Variants in CLTC observed in about 807,000 individuals in gnomAD.
CLTC encodes the protein clathrin heavy chain 1.
A neutral mutation model predicts 195.8 loss-of-function variants in CLTC; 16 were observed. That is an observed-to-expected ratio of 0.08 (90% CI 0.06 to 0.12). The LOEUF is 0.12. Among genes scored for constraint, CLTC ranks in the 10% least tolerant of loss-of-function variants. The pLI is 1.00. For synonymous variants in CLTC, 667 were observed against 689.4 expected, an observed-to-expected ratio of 0.97 and a Z score of 0.51; for missense variants, 796 against 2,027.0, an observed-to-expected ratio of 0.39 and a Z score of 11.66.
At chr17:59,624,601 TG>T (rs2031490457) in intron 1 of CLTC, among the ~76,000 whole-genome samples, 1 of 151,770 alleles carries the variant, frequency 6.6e-6, no homozygotes, top group Non-Finnish European at 1.5e-5. Flanking sequence ...CCCAAGTAGC[TG>T]GGATTTTAGG....
intron 9 of CLTC, 36 bp downstream of exon 9, chr17:59,664,030 A>G: frequency 1.9e-6 from 3 of 1,567,948 alleles, no homozygotes; most frequent in Non-Finnish European, 2.6e-6. Flanking sequence ...GCATGAATTC[A>G]TTGAAGCATT....
chr17:59,676,822 A>G (rs2143580188), intron 16 of CLTC, 132 bp from the exon 17 acceptor site: 1 of 677,022 alleles, frequency 1.5e-6, no homozygotes, highest in Non-Finnish European at 2.5e-6. Context: ...CAATGTAGCA[A>G]TACTCGGGGG....
rs1456057529 is a variant in CLTC at position 59,682,595 on chromosome 17, T to C, written c.3601-34T>C. 3.7e-6 allele frequency: 6 copies of C among 1,610,734 alleles called. No individual in the cohort carries two copies. The highest frequency in any genetic ancestry group is 1.3e-5 in the African/African-American group (1 of 74,910). On this transcript the variant is annotated intron_variant, in intron 22 of 31. Coordinates refer to ENST00000269122, the MANE Select transcript of CLTC (RefSeq NM_004859.4). This position sits in a 1 kb window ranked among gnomAD's most constrained non-coding sequence, Gnocchi z 6.8. ...AAAGAGGATTAAGCTCACACTAATA[T>C]CTTGCTGAATGTGGGTTACCTTTTT...
At chr17:59,691,908 C>A (rs577241466) in intron 31 of CLTC, among the ~76,000 whole-genome samples, 1 of 152,086 alleles carries the variant, frequency 6.6e-6, no homozygotes, top group Non-Finnish European at 1.5e-5. Flanking sequence ...GGGTGTAATA[C>A]TTTGGGGTTA....
chr17:59,656,068 C>G lies in CLTC; in HGVS notation c.969+41C>G, dbSNP rs966962339. ...AACTTAAGCAATAAAATAAGATAAC[C>G]TGATGAGTTGGGAACAATCCTGTCC... On this transcript the variant is annotated intron_variant, in intron 6 of 31. Coordinates refer to ENST00000269122, the MANE Select transcript of CLTC (RefSeq NM_004859.4). The G allele has an allele frequency of 4.5e-6, 7 of 1,545,852 alleles. No individual in the cohort carries two copies. In the Admixed American group the frequency reaches 7.5e-5, roughly 17 times the overall value.
Position 59,666,742 on chromosome 17 carries a change from C to CATG in CLTC, c.1948-53_1948-51dup. 1 of 1,561,412 alleles carries CATG rather than the reference C, an allele frequency of 6.4e-7. No individual in the cohort carries two copies. The highest frequency in any genetic ancestry group is 1.1e-5 in the South Asian group (1 of 87,268). On this transcript the variant is annotated intron_variant, in intron 12 of 31. Transcript: ENST00000269122. The surrounding 1 kb of genome is among the most constrained non-coding windows in gnomAD (Gnocchi z 4.9). ...CTAAATATTAATAATTTCATACCAC[C>CATG]ATGAGGTTCAACATTATTTCATTTA...
chr17:59,686,188 G>C (rs1326573663), intron 30 of CLTC, among the ~76,000 whole-genome samples: 1 of 151,700 alleles, frequency 6.6e-6, no homozygotes, highest in Non-Finnish European at 1.5e-5. Context: ...TGATGTCTAT[G>C]CCTGTTTCCC....
intron 30 of CLTC, among the ~76,000 whole-genome samples, chr17:59,686,554 C>T (rs945034790): frequency 6.6e-5 from 10 of 152,082 alleles, no homozygotes; most frequent in African/African-American, 1.4e-4. Context: ...TACCAACAAC[C>T]CCTCCCATAC....
Position 59,666,020 on chromosome 17 carries a change from G to T in CLTC, c.1645-83G>T. ...TATATTGTCCAAATAAAATTCTCAG[G>T]TAAAGAAAGAGTTCATGCATAATTT... On this transcript the variant is annotated intron_variant, in intron 10 of 31. Transcript: ENST00000269122. The surrounding 1 kb of genome is among the most constrained non-coding windows in gnomAD (Gnocchi z 4.9). 1 of 1,038,904 alleles carries T rather than the reference G, an allele frequency of 9.6e-7. No homozygotes were observed. The highest frequency in any genetic ancestry group is 1.7e-5 in the South Asian group (1 of 58,020). The allele number at this position is 1,038,904 out of a possible 1,614,324, so 64.4% of individuals were successfully genotyped here.
At chr17:59,630,977 G>A (rs931359392) in intron 1 of CLTC, among the ~76,000 whole-genome samples, 10 of 152,190 alleles carry the variant, frequency 6.6e-5, no homozygotes, top group South Asian at 6.2e-4. Flanking sequence ...GAGAGACCAC[G>A]AAACCGTTTT....
At chr17:59,624,534 T>C (rs1307494080) in intron 1 of CLTC, among the ~76,000 whole-genome samples, 2 of 145,350 alleles carry the variant, frequency 1.4e-5, no homozygotes, top group African/African-American at 5.2e-5. Context: ...AGTGGTGCGA[T>C]CTCGGCTCAC....
intron 6 of CLTC, among the ~76,000 whole-genome samples, chr17:59,657,381 AT>A (rs1464464719): frequency 2.6e-5 from 4 of 152,208 alleles, no homozygotes; most frequent in African/African-American, 9.6e-5. Flanking sequence ...TTAGTAAATT[AT>A]ATTTCTAGCA....
At chr17:59,653,394 G>C (rs191433742) in intron 5 of CLTC, among the ~76,000 whole-genome samples, 1 of 151,186 alleles carries the variant, frequency 6.6e-6, no homozygotes, top group Non-Finnish European at 1.5e-5. Flanking sequence ...GGGGTTTCAC[G>C]GTGTTAGCCA....
intron 5 of CLTC, among the ~76,000 whole-genome samples, chr17:59,651,616 A>G (rs552576889): frequency 1.4e-4 from 21 of 152,342 alleles, no homozygotes; most frequent in African/African-American, 5.0e-4. Context: ...GCTGTAGTCT[A>G]CTGTAAAGTG....
Position 59,681,180 on chromosome 17 carries a change from C to T in CLTC, c.3066-115C>T. 1 of 1,440,762 alleles carries T rather than the reference C, an allele frequency of 6.9e-7. No homozygotes were observed. The highest frequency in any genetic ancestry group is 9.5e-7 in the Non-Finnish European group (1 of 1,056,584). The allele number at this position is 1,440,762 out of a possible 1,614,324, so 89.2% of individuals were successfully genotyped here. On this transcript the variant is annotated intron_variant, in intron 19 of 31. Transcript: ENST00000269122. This position sits in a 1 kb window ranked among gnomAD's most constrained non-coding sequence, Gnocchi z 5.0. ...GCCTGAATTCTCACTCTTCTAATAT[C>T]CTCCCCCCTACCCTACCTCTTGAGA...
chr17:59,641,482 T>A (rs2143487508), intron 1 of CLTC, among the ~76,000 whole-genome samples: 1 of 151,088 alleles, frequency 6.6e-6, no homozygotes, highest in East Asian at 2.0e-4. Flanking sequence ...ACTCCTGTAG[T>A]CCCAGCTACT....
chr17:59,673,213 G>T (rs2032892916), intron 14 of CLTC, among the ~76,000 whole-genome samples: 2 of 152,032 alleles, frequency 1.3e-5, no homozygotes, highest in Admixed American at 6.6e-5. Flanking sequence ...TAGATTGGAT[G>T]TGGGGAGGGA....
intron 5 of CLTC, among the ~76,000 whole-genome samples, chr17:59,655,186 G>A (rs2032434662): frequency 6.6e-6 from 1 of 152,156 alleles, no homozygotes; most frequent in African/African-American, 2.4e-5. Context: ...AAAAAGAGAG[G>A]TAGAACACAT....
Position 59,657,999 on chromosome 17 carries a change from G to C in CLTC, c.969+1972G>C, listed in dbSNP as rs1179817274. 2.0e-5 allele frequency among the ~76,000 whole-genome samples: 3 copies of C among 152,102 alleles called. No individual in the cohort carries two copies. In the South Asian group the frequency reaches 6.2e-4, roughly 32 times the overall value. ...GGATCACCTGGGGTCAGGAGTTTGAGACCAGCCTGACCAATATGGTGAAAC... is the reference window on the plus strand; with the variant it reads ...GGATCACCTGGGGTCAGGAGTTTGACACCAGCCTGACCAATATGGTGAAAC... On this transcript the variant is annotated intron_variant, in intron 6 of 31. Transcript: ENST00000269122.
Sources: allele counts gnomAD v4.1 joint callset (sites outside exome capture counted in the v4.1 genomes callset), GRCh38; gene constraint gnomAD v4.1.1; non-coding constraint Gnocchi (gnomAD v3.1); transcripts MANE v1.5; gene names NCBI Gene and HGNC (gene_info 2026-07-23, HGNC 2026-07-21).